Variants in TTLL5 observed in about 807,000 individuals in gnomAD.
The protein encoded by TTLL5 is tubulin polyglutamylase TTLL5.
Under a neutral mutation model 168.4 loss-of-function variants are expected in TTLL5, and 132 were observed. The observed-to-expected ratio is 0.78, with a 90% CI of 0.68 to 0.91. The LOEUF (loss-of-function observed/expected upper bound fraction) is 0.91. Ranked by LOEUF, TTLL5 falls within the 40% of genes least tolerant of loss-of-function variation. The pLI is 0.00. For missense variants in TTLL5, 1,545 were observed against 1,581.5 expected, an observed-to-expected ratio of 0.98 and a Z score of 0.39; for synonymous variants, 546 against 558.6, an observed-to-expected ratio of 0.98 and a Z score of 0.32.
At chr14:75,752,820 T>C (rs1890031429) in intron 17 of TTLL5, 73 bp from the exon 18 acceptor site, 2 of 1,404,030 alleles carry the variant, frequency 1.4e-6, no homozygotes, top group South Asian at 1.2e-5. Flanking sequence ...CTGTGCTTGA[T>C]TCATGGTTGT....
At chr14:75,722,453 C>T (rs1276455575) in intron 12 of TTLL5, among the ~76,000 whole-genome samples, 1 of 152,070 alleles carries the variant, frequency 6.6e-6, no homozygotes, top group Non-Finnish European at 1.5e-5. Context: ...CCTCACTATG[C>T]ATTATGCTTT....
intron 28 of TTLL5, among the ~76,000 whole-genome samples, chr14:75,835,058 A>G (rs1895796949): frequency 6.6e-6 from 1 of 152,062 alleles, no homozygotes; most frequent in African/African-American, 2.4e-5. Flanking sequence ...ACAGAGTGAG[A>G]CCCTGTCTCC....
At chr14:75,737,984 C>T (rs1048681287) in intron 15 of TTLL5, among the ~76,000 whole-genome samples, 1 of 151,886 alleles carries the variant, frequency 6.6e-6, no homozygotes, top group Admixed American at 6.6e-5. Flanking sequence ...ATACTGTTGT[C>T]TATAGCTTAA....
At chr14:75,717,736 A>T in intron 9 of TTLL5, 125 bp from the exon 10 acceptor site, 1 of 815,048 alleles carries the variant, frequency 1.2e-6, no homozygotes, top group Non-Finnish European at 2.0e-6. Context: ...AGCACTTAGT[A>T]GGCACTTGGT....
intron 10 of TTLL5, among the ~76,000 whole-genome samples, chr14:75,719,133 G>A (rs924465806): frequency 2.0e-5 from 3 of 152,162 alleles, no homozygotes; most frequent in African/African-American, 4.8e-5. Flanking sequence ...CGCTGCCATA[G>A]CAATAGTATA....
chr14:75,867,832 A>G (rs1439342971), intron 29 of TTLL5, among the ~76,000 whole-genome samples: 1 of 152,026 alleles, frequency 6.6e-6, no homozygotes. Flanking sequence ...GTTAGGAATG[A>G]TCAAACAAAT....
intron 9 of TTLL5, chr14:75,710,141 A>G (rs1464426461): frequency 6.6e-6 from 1 of 152,170 alleles, no homozygotes; most frequent in Non-Finnish European, 1.5e-5. Flanking sequence ...TTTCTCAAGG[A>G]CATCATAGCA....
chr14:75,947,492 T>C (rs1309289184), intron 31 of TTLL5, among the ~76,000 whole-genome samples: 1 of 152,220 alleles, frequency 6.6e-6, no homozygotes, highest in East Asian at 1.9e-4. Flanking sequence ...AATGTTTTTT[T>C]CATTTAATAA....
chr14:75,786,114 A>G (rs1892347184), intron 26 of TTLL5, among the ~76,000 whole-genome samples: 1 of 152,232 alleles, frequency 6.6e-6, no homozygotes, highest in Non-Finnish European at 1.5e-5. Flanking sequence ...GAGATATTAA[A>G]TGGTCCACTT....
chr14:75,803,055 G>C (rs1380046882), intron 27 of TTLL5: 1 of 152,320 alleles, frequency 6.6e-6, no homozygotes, highest in Non-Finnish European at 1.5e-5. Flanking sequence ...GCTGGTTCAG[G>C]GAGAGCTTTC....
chr14:75,718,331 T>C (rs1326778482), intron 10 of TTLL5, among the ~76,000 whole-genome samples: 1 of 152,176 alleles, frequency 6.6e-6, no homozygotes, highest in Non-Finnish European at 1.5e-5. Context: ...GTCTGTACCC[T>C]TTGACCCCAT....
intron 29 of TTLL5, among the ~76,000 whole-genome samples, chr14:75,869,711 A>G (rs1375995969): frequency 6.6e-6 from 1 of 151,982 alleles, no homozygotes; most frequent in African/African-American, 2.4e-5. Context: ...ATCCAAGCTC[A>G]TGGCTATTAT....
chr14:75,840,459 C>T (rs997085138), intron 28 of TTLL5, among the ~76,000 whole-genome samples: 8 of 151,938 alleles, frequency 5.3e-5, no homozygotes, highest in African/African-American at 1.9e-4. Context: ...CATTGTTCAC[C>T]TCCCACTTAG....
intron 9 of TTLL5, among the ~76,000 whole-genome samples, chr14:75,715,086 T>G (rs951095747): frequency 2.0e-5 from 3 of 152,118 alleles, no homozygotes; most frequent in East Asian, 1.9e-4. Context: ...CGCAGTATCT[T>G]TAACATATTT....
intron 18 of TTLL5, among the ~76,000 whole-genome samples, chr14:75,763,283 G>GTA (rs1470646284): frequency 6.6e-6 from 1 of 150,744 alleles, no homozygotes; most frequent in African/African-American, 2.4e-5. Context: ...GTGTGTGTGT[G>GTA]TGTACTCTTT....
chr14:75,735,485 C>G (rs1233554825), intron 15 of TTLL5, among the ~76,000 whole-genome samples, 196 bp downstream of exon 15: 5 of 152,220 alleles, frequency 3.3e-5, no homozygotes, highest in Non-Finnish European at 7.3e-5. Flanking sequence ...GAAACTTACT[C>G]CCTGTTTTTT....
At chr14:75,684,120 C>G (rs1052992938) in intron 5 of TTLL5, 3 of 164,580 alleles carry the variant, frequency 1.8e-5, no homozygotes, top group African/African-American at 7.2e-5. Context: ...GCAAATCAAA[C>G]TGTTGTGTTC....
intron 3 of TTLL5, 134 bp from the exon 4 acceptor site, chr14:75,681,411 C>T (rs985052419): frequency 1.9e-5 from 13 of 674,390 alleles, no homozygotes; most frequent in Non-Finnish European, 3.2e-5. Flanking sequence ...GTCCAAAATA[C>T]GTTCAACTTA....
chr14:75,930,596 T>A, intron 31 of TTLL5: 1 of 985,344 alleles, frequency 1.0e-6, no homozygotes, highest in Non-Finnish European at 1.2e-6. Flanking sequence ...TGACGTTTCT[T>A]GCAGAGAACA....
Sources: allele counts gnomAD v4.1 joint callset (sites outside exome capture counted in the v4.1 genomes callset), GRCh38; gene constraint gnomAD v4.1.1; transcripts MANE v1.5; gene names NCBI Gene and HGNC (gene_info 2026-07-23, HGNC 2026-07-21).